Variants in ZNF274 observed in about 807,000 individuals in gnomAD.
The protein encoded by ZNF274 is neurotrophin receptor-interacting factor homolog.
Under a neutral mutation model 42.5 loss-of-function variants are expected in ZNF274, and 23 were observed. The ratio of observed to expected loss-of-function variants is 0.54; its 90% CI spans 0.39 to 0.77. The LOEUF (loss-of-function observed/expected upper bound fraction) is 0.77. ZNF274 is among the 30% of genes least tolerant of loss of function. The pLI, the probability that ZNF274 is intolerant of heterozygous loss-of-function variation, is 0.00. For synonymous variants in ZNF274, 292 were observed against 305.4 expected (o/e 0.96, Z 0.46); for missense variants, 679 against 806.5 (o/e 0.84, Z 1.91).
chr19:58,195,807 C>T (rs2075835110), intron 4 of ZNF274, among the ~76,000 whole-genome samples: 1 of 152,136 alleles, frequency 6.6e-6, no homozygotes, highest in South Asian at 2.1e-4. Flanking sequence ...GCCTAGATCC[C>T]TCATGCACAG....
At chr19:58,192,910 A>G (rs2075794476) in intron 4 of ZNF274, among the ~76,000 whole-genome samples, 1 of 151,868 alleles carries the variant, frequency 6.6e-6, no homozygotes, top group Non-Finnish European at 1.5e-5. Flanking sequence ...ACGCCTGGCT[A>G]AGTTTTATAT....
intron 4 of ZNF274, among the ~76,000 whole-genome samples, chr19:58,198,257 A>T (rs1249172406): frequency 2.6e-5 from 4 of 152,250 alleles, no homozygotes; most frequent in African/African-American, 9.6e-5. Flanking sequence ...ATACAGGGGA[A>T]AAGAACCTGT....
At chr19:58,192,703 GA>G (rs1213705103) in intron 4 of ZNF274, among the ~76,000 whole-genome samples, 9 of 152,148 alleles carry the variant, frequency 5.9e-5, no homozygotes, top group African/African-American at 2.2e-4. Flanking sequence ...TGGTGACGAG[GA>G]AAAAAAGTTT....
chr19:58,188,694 GTA>G (rs71925177), intron 4 of ZNF274, among the ~76,000 whole-genome samples: 12,243 of 74,240 alleles, frequency 0.16, 857 homozygotes, highest in East Asian at 0.4. Flanking sequence ...ATATGTATAT[GTA>G]TATATATATA....
chr19:58,184,020 CTT>C, intron 2 of ZNF274, 22 bp downstream of exon 2: 4 of 1,583,932 alleles, frequency 2.5e-6, no homozygotes, highest in Non-Finnish European at 3.4e-6. Context: ...CTTCCTTCAG[CTT>C]TTGAGTCCGC....
At position 58,212,039 on chromosome 19, in the gene ZNF274, A is replaced by G; in HGVS notation, c.980-122A>G. On this transcript the variant is annotated intron_variant, in intron 7 of 7. Transcript: ENST00000617501. This position sits in a 1 kb window ranked among gnomAD's most constrained non-coding sequence, Gnocchi z 4.6. ...GCTTTTCAGTCTCTCTCCAGGTTGC[A>G]TGACTCTATTTGGGAGAAAAAAAAA... is the stretch of plus-strand genomic sequence containing the variant. The G allele has an allele frequency of 8.2e-7, 1 of 1,215,178 alleles. No individual in the cohort carries two copies. Among genetic ancestry groups the G allele is most frequent in the Non-Finnish European group, 1.1e-6 (1 of 881,732 alleles). 75.3% of individuals were successfully genotyped at this position (1,215,178 alleles called of 1,614,324 possible).
chr19:58,201,908 C>T (rs537822744), intron 4 of ZNF274, among the ~76,000 whole-genome samples: 16 of 152,122 alleles, frequency 1.1e-4, no homozygotes, highest in Admixed American at 2.6e-4. Flanking sequence ...AACTGAGTAA[C>T]GTAAAGATGA....
At chr19:58,209,896 C>A in intron 5 of ZNF274, 65 bp from the exon 6 acceptor site, 1 of 1,196,044 alleles carries the variant, frequency 8.4e-7, no homozygotes, top group Non-Finnish European at 1.2e-6. Context: ...TGCAGAGAGG[C>A]CACCCTTGCC....
At chr19:58,190,779 CTT>C (rs1258025057) in intron 4 of ZNF274, among the ~76,000 whole-genome samples, 5 of 152,266 alleles carry the variant, frequency 3.3e-5, no homozygotes, top group African/African-American at 1.2e-4. Flanking sequence ...TTTCCCTTCT[CTT>C]TGTTTTCTGT....
In ZNF274 at chr19:58,204,532, A is replaced by AG. The variant is rs539440820; in HGVS notation, c.257-2184dup. On this transcript the variant is annotated intron_variant, in intron 4 of 7. Transcript: ENST00000617501. ...GGTGCGTGAGAGACCAGGGCCGAGG[A>AG]GGGGTCTGTGCAGGCGGCTTCCGGG... Among the ~76,000 whole-genome samples, 82 of 152,008 alleles carry AG rather than the reference A, an allele frequency of 5.4e-4. 1 individual carries two copies. The East Asian group carries it at 0.014, about 27-fold the overall frequency.
At chr19:58,188,892 A>T (rs2075745778) in intron 4 of ZNF274, among the ~76,000 whole-genome samples, 1 of 151,146 alleles carries the variant, frequency 6.6e-6, no homozygotes, top group Non-Finnish European at 1.5e-5. Flanking sequence ...CTCAAAAAAA[A>T]AAAATTAAAA....
intron 1 of ZNF274, 118 bp from the exon 2 acceptor site, chr19:58,183,803 C>T (rs1363569488): frequency 2.7e-5 from 18 of 656,670 alleles, no homozygotes; most frequent in South Asian, 2.6e-4. Flanking sequence ...TGGGCGTTTT[C>T]CAGTTTGGGT....
chr19:58,191,736 A>C (rs2075780826), intron 4 of ZNF274, among the ~76,000 whole-genome samples: 1 of 152,170 alleles, frequency 6.6e-6, no homozygotes, highest in African/African-American at 2.4e-5. Flanking sequence ...GCCTGAGGTG[A>C]TGGGTGTCCA....
At chr19:58,206,292 A>T (rs936216336) in intron 4 of ZNF274, among the ~76,000 whole-genome samples, 1 of 152,236 alleles carries the variant, frequency 6.6e-6, no homozygotes, top group Admixed American at 6.5e-5. Context: ...TTATATGACT[A>T]GATCACAATT....
chr19:58,188,130 A>C (rs1351035857), intron 4 of ZNF274, among the ~76,000 whole-genome samples: 2 of 151,992 alleles, frequency 1.3e-5, no homozygotes, highest in East Asian at 3.9e-4. Flanking sequence ...TTTTTTTTGC[A>C]CGAACAAGTT....
chr19:58,202,358 T>C (rs2146228709), intron 4 of ZNF274: 1 of 152,354 alleles, frequency 6.6e-6, no homozygotes, highest in South Asian at 2.1e-4. Context: ...AAGCAGCAGC[T>C]CCCATCAAGC....
At position 58,210,016 on chromosome 19, in the gene ZNF274, C is replaced by CCAGCAGGAGGAG; in HGVS notation, c.796_807dup (p.Gln266_Glu269dup). 6.2e-7 allele frequency: 1 copy of CCAGCAGGAGGAG among 1,613,792 alleles called. No homozygotes were observed. The highest frequency in any genetic ancestry group is 8.5e-7 in the Non-Finnish European group (1 of 1,179,808). ...CCACCTGCTGCCTCGAGGTCACTGC[C>CCAGCAGGAGGAG]CAGCAGGAGGAGAAGCAGGAGGATG... On this transcript the variant is annotated inframe_insertion, in exon 6 of 8. Transcript: ENST00000617501.
chr19:58,209,655 A>AG, intron 5 of ZNF274: 1 of 228,948 alleles, frequency 4.4e-6, no homozygotes, highest in Non-Finnish European at 8.6e-6. Context: ...GCCTCACAGG[A>AG]GGGGCTGGGG....
Position 58,207,028 on chromosome 19 carries a change from T to G in ZNF274, c.565T>G (p.Trp189Gly), listed in dbSNP as rs1433434620. 13 of 1,612,056 alleles carry G rather than the reference T, an allele frequency of 8.1e-6. No homozygotes were observed. The highest frequency in any genetic ancestry group is 1.3e-5 in the African/African-American group (1 of 74,902). Reference sequence around the variant, plus strand: ...CCAGCTCCGAGAGCTGTGTCACCAGTGGCTACAGCCTAAGGCACGCTCCAA... The same window carrying G: ...CCAGCTCCGAGAGCTGTGTCACCAGGGGCTACAGCCTAAGGCACGCTCCAA... Reference protein sequence around the residue: ...LDQLRELCHQWLQPKARSKEQ... With the variant: ...LDQLRELCHQGLQPKARSKEQ... The change falls in exon 5 of 8, where the codon TGG (tryptophan) becomes GGG (glycine). Residue 189 changes from tryptophan to glycine, a missense_variant. Trp to Gly is a radical substitution (Grantham distance 184). Transcript: ENST00000617501. The surrounding 1 kb of genome is among the most constrained non-coding windows in gnomAD (Gnocchi z 5.6).
Sources: allele counts gnomAD v4.1 joint callset (sites outside exome capture counted in the v4.1 genomes callset), GRCh38; gene constraint gnomAD v4.1.1; non-coding constraint Gnocchi (gnomAD v3.1); transcripts MANE v1.5; gene names NCBI Gene and HGNC (gene_info 2026-07-23, HGNC 2026-07-21).